Variants in ALDOB observed in about 807,000 individuals in gnomAD.
The protein encoded by ALDOB is aldolase, fructose-bisphosphate B.
ALDOB carries 39 observed loss-of-function variants against 41.0 expected under a neutral mutation model. That is an observed-to-expected ratio of 0.95 (90% CI 0.74 to 1.24). ALDOB has a LOEUF of 1.24. ALDOB is among the 50% of genes most tolerant of loss of function. The pLI is 0.00. For missense variants in ALDOB, 530 were observed against 457.3 expected (o/e 1.16, Z -1.45); for synonymous variants, 175 against 168.8 (o/e 1.04, Z -0.28).
chr9:101,425,081 C>T (rs753410191), intron 7 of ALDOB, 39 bp from the exon 8 acceptor site: 3 of 1,600,364 alleles, frequency 1.9e-6, no homozygotes, highest in Admixed American at 1.7e-5. Flanking sequence ...TTAGTCCCAC[C>T]TTATATACCC....
chr9:101,427,804 A>G (rs1030367417), intron 4 of ALDOB, among the ~76,000 whole-genome samples, 162 bp from the exon 5 acceptor site: 5 of 152,252 alleles, frequency 3.3e-5, no homozygotes, highest in African/African-American at 1.2e-4. Flanking sequence ...ACACTGAACC[A>G]GAAGACTTAG....
At chr9:101,433,582 A>G (rs1831250288) in intron 1 of ALDOB, among the ~76,000 whole-genome samples, 1 of 152,172 alleles carries the variant, frequency 6.6e-6, no homozygotes, top group Non-Finnish European at 1.5e-5. Context: ...TGTTCACATT[A>G]TATTATTAAA....
chr9:101,420,625 TCTTTTATTA>T lies in ALDOB; in HGVS notation c.*1175_*1183del, dbSNP rs1448251437. On this transcript the variant is annotated 3_prime_UTR_variant, in exon 9 of 9. Coordinates refer to ENST00000647789, the MANE Select transcript of ALDOB (RefSeq NM_000035.4). ...TATATTTTTATGATTTACATCCATT[TCTTTTATTA>T]CTTAAATAGAATTAAAGCACTATTT... 1.2e-4 allele frequency: 18 copies of T among 152,342 alleles called. No individual in the cohort carries two copies. The highest frequency in any genetic ancestry group is 2.4e-4 in the Non-Finnish European group (16 of 68,038). 9.4% of individuals were successfully genotyped at this position (152,342 alleles called of 1,614,324 possible). A position where few individuals can be genotyped will look rare whatever the true frequency, so the allele number is the denominator to read the frequency against.
chr9:101,421,350 G>A lies in ALDOB; in HGVS notation c.*459C>T, dbSNP rs1236811035. Reference sequence around the variant, plus strand: ...TACACTGAGTCTTTGGACAGCAAGAGCAGAAAAGTGAAACCCGATAGCAGC... The same window carrying A: ...TACACTGAGTCTTTGGACAGCAAGAACAGAAAAGTGAAACCCGATAGCAGC... On this transcript the variant is annotated 3_prime_UTR_variant, in exon 9 of 9. Coordinates refer to ENST00000647789, the MANE Select transcript of ALDOB (RefSeq NM_000035.4). 7 of 273,310 alleles carry A rather than the reference G, an allele frequency of 2.6e-5. No individual in the cohort carries two copies. The highest frequency in any genetic ancestry group is 1.9e-4 in the Admixed American group (4 of 20,548). The allele number at this position is 273,310 out of a possible 1,614,324, so 16.9% of individuals were successfully genotyped here.
intron 1 of ALDOB, among the ~76,000 whole-genome samples, chr9:101,435,035 A>G (rs927975082): frequency 3.9e-5 from 6 of 152,178 alleles, no homozygotes; most frequent in African/African-American, 7.2e-5. Flanking sequence ...TTTGATTCCT[A>G]CTATCTTAAG....
Position 101,429,888 on chromosome 9 carries a change from A to G in ALDOB, c.191T>C (p.Phe64Ser). The change falls in exon 3 of 9, where the codon TTC becomes TCC. Residue 64 changes from phenylalanine (F) to serine (S), a missense_variant. Coordinates refer to ENST00000647789, the MANE Select transcript of ALDOB (RefSeq NM_000035.4). The stretch of plus-strand genomic sequence containing the variant: ...CTGGTTGATGGAACTGTCCACAGAG[A>G]AGAGGATTTCTCGGAACTGCCGGCG... ...ENRRQFREIL[F>S]SVDSSINQSI... 4 of 1,614,056 alleles carry G rather than the reference A, an allele frequency of 2.5e-6. No homozygotes were observed. Among genetic ancestry groups the G allele is most frequent in the Non-Finnish European group, 3.4e-6 (4 of 1,179,996 alleles).
At chr9:101,429,117 C>T (rs891266353) in intron 3 of ALDOB, among the ~76,000 whole-genome samples, 3 of 150,180 alleles carry the variant, frequency 2.0e-5, no homozygotes, top group Non-Finnish European at 3.0e-5. Flanking sequence ...GCAATATAAA[C>T]TTTTTCTTTT....
chr9:101,427,330 C>T (rs1831145827), intron 5 of ALDOB, 152 bp downstream of exon 5: 1 of 966,136 alleles, frequency 1.0e-6, no homozygotes, highest in Non-Finnish European at 1.6e-6. Flanking sequence ...TTCCCTACCA[C>T]AGTTGGCTAT....
In ALDOB at chr9:101,424,920, C is replaced by A; in HGVS notation, c.922G>T (p.Ala308Ser). The change falls in exon 8 of 9, where the codon GCC (alanine) becomes TCC (serine). Residue 308 changes from alanine (A) to serine (S), a missense_variant. Ala to Ser is a moderately conservative substitution (Grantham distance 99, BLOSUM62 1). Coordinates refer to ENST00000647789, the MANE Select transcript of ALDOB (RefSeq NM_000035.4). ...CCACCCCAGGCAGCCAGTGCACTGG[C>A]CTGCAGGGCCCGTCCATAAGAGAAA... ...LSFSYGRALQASALAAWGGKA... is the reference protein window; with the variant it reads ...LSFSYGRALQSSALAAWGGKA... The A allele has an allele frequency of 1.2e-6, 2 of 1,614,182 alleles. No homozygotes were observed. The highest frequency in any genetic ancestry group is 2.2e-5 in the South Asian group (2 of 91,082).
At chr9:101,428,353 G>A (rs755450945) in intron 4 of ALDOB, 116 bp downstream of exon 4, 3 of 934,498 alleles carry the variant, frequency 3.2e-6, no homozygotes, top group East Asian at 2.4e-5. Context: ...AACCAGGTAC[G>A]TGTGGCTCTA....
chr9:101,424,871 G>T lies in ALDOB; in HGVS notation c.971C>A (p.Thr324Asn). 1 of 1,613,524 alleles carries T rather than the reference G, an allele frequency of 6.2e-7. No homozygotes were observed. The highest frequency in any genetic ancestry group is 8.5e-7 in the Non-Finnish European group (1 of 1,180,036). Reference protein sequence around the residue: ...WGGKAANKEATQEAFMKRAMA... With the variant: ...WGGKAANKEANQEAFMKRAMA... ...GGCCCGCTTCATAAAAGCCTCCTGGGTTGCCTCCTTGTTTGCAGCCTTGCC... is the reference window on the plus strand; with the variant it reads ...GGCCCGCTTCATAAAAGCCTCCTGGTTTGCCTCCTTGTTTGCAGCCTTGCC... Residue 324 changes from threonine (T) to asparagine (N), a missense_variant, in exon 8 of 9, where the codon ACC becomes AAC. Physicochemically the swap from Thr to Asn is moderately conservative, Grantham distance 65. Transcript: ENST00000647789.
chr9:101,427,288 T>A (rs978066231), intron 5 of ALDOB, among the ~76,000 whole-genome samples, 194 bp downstream of exon 5: 1 of 152,120 alleles, frequency 6.6e-6, no homozygotes, highest in Non-Finnish European at 1.5e-5. Flanking sequence ...CATAGCTTAG[T>A]TGGACTCCTA....
chr9:101,425,120 C>A, intron 7 of ALDOB, 78 bp from the exon 8 acceptor site: 1 of 1,476,610 alleles, frequency 6.8e-7, no homozygotes, highest in Non-Finnish European at 9.4e-7. Flanking sequence ...ATGAACCTAC[C>A]AGAAAAGTAA....
chr9:101,427,262 C>T (rs189663333), intron 5 of ALDOB, among the ~76,000 whole-genome samples: 71 of 152,276 alleles, frequency 4.7e-4, no homozygotes, highest in Non-Finnish European at 9.0e-4. Context: ...CAGTTGATGG[C>T]ATTATCCTTT....
Position 101,421,867 on chromosome 9 carries a change from G to A in ALDOB, c.1037C>T (p.Thr346Met), listed in dbSNP as rs776173931. The A allele has an allele frequency of 1.8e-5, 29 of 1,614,078 alleles. 1 individual carries two copies. In the East Asian group the frequency reaches 2.7e-4, roughly 15 times the overall value. The change falls in exon 9 of 9, where the codon ACG (threonine) becomes ATG (methionine). Residue 346 changes from threonine to methionine, a missense_variant. Transcript: ENST00000647789. ...GGTGGAAGCAGCCCCAGAAGAACCCGTGTGAACATACTGTCCTTTGGCCGC... is the reference window on the plus strand; with the variant it reads ...GGTGGAAGCAGCCCCAGAAGAACCCATGTGAACATACTGTCCTTTGGCCGC... ...CQAAKGQYVHTGSSGAASTQS... is the reference protein window; with the variant it reads ...CQAAKGQYVHMGSSGAASTQS...
rs140214561 is a variant in ALDOB at position 101,422,000 on chromosome 9, T to G, written c.1000-96A>C. 8.2e-5 allele frequency: 83 copies of G among 1,012,662 alleles called. No homozygotes were observed. The East Asian group carries it at 2.1e-3, about 25-fold the overall frequency. 62.7% of individuals were successfully genotyped at this position (1,012,662 alleles called of 1,614,324 possible). A position where few individuals can be genotyped will look rare whatever the true frequency, so the allele number is the denominator to read the frequency against. On this transcript the variant is annotated intron_variant, in intron 8 of 8. Coordinates refer to ENST00000647789, the MANE Select transcript of ALDOB (RefSeq NM_000035.4). ...CATGGGAAACCAGTCAAACCTTCAC[T>G]CAGATTTTCTTCTTTTTACAGCAAT...
chr9:101,422,232 A>C (rs1466113885), intron 8 of ALDOB, among the ~76,000 whole-genome samples: 1 of 152,238 alleles, frequency 6.6e-6, no homozygotes, highest in Non-Finnish European at 1.5e-5. Flanking sequence ...ACCAAAAGAA[A>C]AACATGTTTA....
At chr9:101,427,664 A>C in intron 4 of ALDOB, 22 bp from the exon 5 acceptor site, 1 of 1,613,778 alleles carries the variant, frequency 6.2e-7, no homozygotes, top group South Asian at 1.1e-5. Flanking sequence ...AAAAGAGAGA[A>C]AGGCTTCTTT....
Position 101,424,837 on chromosome 9 carries a change from T to A in ALDOB, c.999+6A>T. 4 of 1,612,566 alleles carry A rather than the reference T, an allele frequency of 2.5e-6. No individual in the cohort carries two copies. The highest frequency in any genetic ancestry group is 3.4e-6 in the Non-Finnish European group (4 of 1,179,972). On this transcript the variant is annotated splice_donor_region_variant and intron_variant, in intron 8 of 8. Coordinates refer to ENST00000647789, the MANE Select transcript of ALDOB (RefSeq NM_000035.4). The stretch of plus-strand genomic sequence containing the variant: ...ATCAAGTAGATAAGAGGTGGCAGCA[T>A]CTTACCATGGCCCGCTTCATAAAAG...
Sources: gnomAD v4.1 joint callset for allele counts (sites outside exome capture counted in the v4.1 genomes callset) on GRCh38, gnomAD v4.1.1 for gene constraint, MANE v1.5 for transcripts, NCBI Gene and HGNC (gene_info 2026-07-23, HGNC 2026-07-21) for gene names.